SLC5A4: variants seen among roughly 807,000 people sequenced by gnomAD.
SLC5A4 encodes solute carrier family 5 member 4, also known as probable glucose sensor protein SLC5A4.
SLC5A4 carries 55 observed loss-of-function variants against 70.3 expected under a neutral mutation model. That is an observed-to-expected ratio of 0.78 (90% CI 0.63 to 0.98). SLC5A4 has a LOEUF of 0.98. Ranked by LOEUF, SLC5A4 falls within the 50% of genes least tolerant of loss-of-function variation. SLC5A4 has a pLI of 0.00. For missense variants in SLC5A4, 735 were observed against 839.2 expected (o/e 0.88, Z 1.53); for synonymous variants, 268 against 305.7 (o/e 0.88, Z 1.29).
chr22:32,353,731 G>A, the SLC5A4 span, among the ~76,000 whole-genome samples: 1 of 151,828 alleles, frequency 6.6e-6, no homozygotes, highest in South Asian at 2.1e-4. Flanking sequence ...ACCCAATGGC[G>A]CCCAGAACCC....
the SLC5A4 span, among the ~76,000 whole-genome samples, chr22:32,306,767 C>T: frequency 1.3e-5 from 2 of 151,996 alleles, no homozygotes; most frequent in Non-Finnish European, 2.9e-5. Context: ...CCTTGCAGCC[C>T]CCCACCTCGT....
chr22:32,288,314 C>G, the SLC5A4 span, among the ~76,000 whole-genome samples: 1 of 152,126 alleles, frequency 6.6e-6, no homozygotes, highest in East Asian at 1.9e-4. Flanking sequence ...GGCCATGTGA[C>G]TAGTTCTAGC....
intron 5 of SLC5A4, among the ~76,000 whole-genome samples, chr22:32,243,887 G>C (rs1438058910): frequency 1.3e-5 from 2 of 152,112 alleles, no homozygotes; most frequent in East Asian, 3.9e-4. Context: ...TACTGGGGAG[G>C]CTGAGGCAGG....
chr22:32,274,654 C>T, the SLC5A4 span, among the ~76,000 whole-genome samples: 1 of 151,922 alleles, frequency 6.6e-6, no homozygotes, highest in Non-Finnish European at 1.5e-5. Context: ...GCCTATGAGC[C>T]ACCTGGGAAA....
chr22:32,263,269 G>A, the SLC5A4 span, among the ~76,000 whole-genome samples: 2 of 152,274 alleles, frequency 1.3e-5, no homozygotes, highest in Admixed American at 6.5e-5. Context: ...AAAGTGCTGC[G>A]ATTACAGGCA....
the SLC5A4 span, among the ~76,000 whole-genome samples, chr22:32,306,042 C>T: frequency 7.8e-4 from 118 of 152,228 alleles, 1 homozygote; most frequent in Non-Finnish European, 1.4e-3. Context: ...TCCATCCTCC[C>T]CTACAGAATG....
At chr22:32,330,953 TGTGTGTGTGTTGGGGGCACTG>T in the SLC5A4 span, among the ~76,000 whole-genome samples, 551 of 4,392 alleles carry the variant, frequency 0.13, 88 homozygotes, top group Middle Eastern at 0.25. Context: ...GAGGCTCTGG[TGTGTGTGTGTTGGGGGCACTG>T]GTGTGTGTGT....
the SLC5A4 span, chr22:32,271,786 G>A: frequency 1.2e-5 from 7 of 596,468 alleles, no homozygotes; most frequent in Non-Finnish European, 2.2e-5. Context: ...AGGGCAAACT[G>A]AGGATCAGCG....
chr22:32,274,132 C>A, the SLC5A4 span, among the ~76,000 whole-genome samples: 7 of 151,870 alleles, frequency 4.6e-5, no homozygotes, highest in African/African-American at 1.7e-4. Context: ...CTCCACCTCC[C>A]GGGTTCACAC....
the SLC5A4 span, among the ~76,000 whole-genome samples, chr22:32,268,911 T>C: frequency 2.6e-5 from 4 of 152,260 alleles, no homozygotes; most frequent in African/African-American, 9.6e-5. Context: ...GCATTTTTTC[T>C]CTTGAGACAG....
the SLC5A4 span, among the ~76,000 whole-genome samples, chr22:32,294,947 G>A: frequency 2.7e-3 from 260 of 97,680 alleles, 31 homozygotes; most frequent in African/African-American, 9.8e-3. Context: ...AGTTTACTGA[G>A]AATGATGATT....
At chr22:32,352,896 T>C in the SLC5A4 span, among the ~76,000 whole-genome samples, 1 of 152,202 alleles carries the variant, frequency 6.6e-6, no homozygotes, top group Non-Finnish European at 1.5e-5. Flanking sequence ...GCTGAGTCTT[T>C]AGTCTCCATG....
intron 5 of SLC5A4, among the ~76,000 whole-genome samples, chr22:32,243,996 G>A (rs13058581): frequency 0.065 from 9,885 of 152,182 alleles, 428 homozygotes; most frequent in Non-Finnish European, 0.098. Context: ...CTCTGTTTCT[G>A]TGTTGAAGTT....
chr22:32,332,601 A>G, the SLC5A4 span, among the ~76,000 whole-genome samples: 1 of 152,148 alleles, frequency 6.6e-6, no homozygotes, highest in African/African-American at 2.4e-5. Context: ...ACAGGGCCGG[A>G]GGCTGCCCTG....
chr22:32,338,182 G>A, the SLC5A4 span, among the ~76,000 whole-genome samples: 1 of 152,194 alleles, frequency 6.6e-6, no homozygotes, highest in Admixed American at 6.5e-5. Flanking sequence ...TAAACAGAAT[G>A]AGGGATGTAC....
At chr22:32,348,556 AAAG>A in the SLC5A4 span, among the ~76,000 whole-genome samples, 1 of 152,206 alleles carries the variant, frequency 6.6e-6, no homozygotes, top group Non-Finnish European at 1.5e-5. Flanking sequence ...TTCTCAAAAG[AAAG>A]AACTCAATAT....
intron 12 of SLC5A4, among the ~76,000 whole-genome samples, chr22:32,225,235 G>C (rs1211715289): frequency 1.3e-5 from 2 of 152,132 alleles, no homozygotes; most frequent in African/African-American, 4.8e-5. Context: ...CAGTGTGGTA[G>C]GTTTTCTTCT....
At chr22:32,278,723 G>A in the SLC5A4 span, among the ~76,000 whole-genome samples, 2 of 152,180 alleles carry the variant, frequency 1.3e-5, no homozygotes, top group South Asian at 4.2e-4. Flanking sequence ...AAAAGTCCTC[G>A]AGACCTAAAA....
At chr22:32,265,791 G>T in the SLC5A4 span, among the ~76,000 whole-genome samples, 1 of 151,380 alleles carries the variant, frequency 6.6e-6, no homozygotes, top group Admixed American at 6.6e-5. Context: ...AGTGAGCCGA[G>T]ATCATGCCAC....
Sources: gnomAD v4.1 joint callset for allele counts (sites outside exome capture counted in the v4.1 genomes callset) on GRCh38, gnomAD v4.1.1 for gene constraint, MANE v1.5 for transcripts, NCBI Gene and HGNC (gene_info 2026-07-23, HGNC 2026-07-21) for gene names.